The following IL6 variants were observed in gnomAD, a reference collection of about 807,000 sequenced individuals.
IL6 encodes interleukin-6.
In IL6, 5 loss-of-function variants were observed where a neutral mutation model predicts 18.0. That is an observed-to-expected ratio of 0.28 (90% CI 0.15 to 0.58). IL6 has a LOEUF of 0.58. Among genes scored for constraint, IL6 ranks in the 20% least tolerant of loss-of-function variants. The pLI is 0.90. For synonymous variants in IL6, 97 were observed against 95.1 expected, an observed-to-expected ratio of 1.02 and a Z score of -0.12; for missense variants, 266 against 251.0, an observed-to-expected ratio of 1.06 and a Z score of -0.40.
chr7:22,727,208 C>T lies in IL6; in HGVS notation c.-55C>T. 2 of 1,605,920 alleles carry T rather than the reference C, an allele frequency of 1.2e-6. No individual in the cohort carries two copies. The highest frequency in any genetic ancestry group is 1.7e-6 in the Non-Finnish European group (2 of 1,174,426). ...GGAGATGTCTGAGGCTCATTCTGCC[C>T]TCGAGCCCACCGGGAACGAAAGAGA... On this transcript the variant is annotated 5_prime_UTR_variant, in exon 1 of 5. Transcript: ENST00000258743.
chr7:22,729,232 G>C (rs893494546), intron 3 of IL6, among the ~76,000 whole-genome samples: 1 of 152,126 alleles, frequency 6.6e-6, no homozygotes, highest in Non-Finnish European at 1.5e-5. Context: ...ATTAACAAGG[G>C]CAAGAGTGCA....
intron 4 of IL6, chr7:22,729,867 A>G (rs915013138): frequency 2.3e-5 from 34 of 1,465,020 alleles, no homozygotes; most frequent in Non-Finnish European, 1.5e-5. Flanking sequence ...GACATCAATA[A>G]CTGTATTTTA....
intron 3 of IL6, 106 bp downstream of exon 3, chr7:22,728,912 T>TA (rs1784068788): frequency 1.4e-6 from 1 of 696,740 alleles, no homozygotes; most frequent in African/African-American, 1.8e-5. Flanking sequence ...AAAAAGTGGG[T>TA]AAATGTAAAG....
Position 22,731,485 on chromosome 7 carries a change from A to C in IL6, c.551A>C (p.Gln184Pro). Reference protein sequence around the residue: ...SLLTKLQAQNQWLQDMTTHLI... With the variant: ...SLLTKLQAQNPWLQDMTTHLI... ...CTGACGAAGCTGCAGGCACAGAACC[A>C]GTGGCTGCAGGACATGACAACTCAT... is the stretch of plus-strand genomic sequence containing the variant. The change falls in exon 5 of 5, where the codon CAG becomes CCG. Residue 184 changes from glutamine (Q) to proline (P), a missense_variant. Transcript: ENST00000258743. 6.2e-7 allele frequency: 1 copy of C among 1,609,062 alleles called. No homozygotes were observed. Among genetic ancestry groups the C allele is most frequent in the Non-Finnish European group, 8.5e-7 (1 of 1,176,230 alleles).
At chr7:22,728,891 C>A in intron 3 of IL6, 85 bp downstream of exon 3, 1 of 756,604 alleles carries the variant, frequency 1.3e-6, no homozygotes, top group Admixed American at 2.0e-5. Context: ...CATATAGATC[C>A]AGGCAGCAAC....
At position 22,727,544 on chromosome 7, in the gene IL6, C is replaced by A; in HGVS notation, c.120C>A (p.Ala40=). The part of the protein sequence containing the change: ...VPPGEDSKDV[A]APHRQPLTSS... ...CAGGAGAAGATTCCAAAGATGTAGC[C>A]GCCCCACACAGACAGCCACTCACCT... is the stretch of plus-strand genomic sequence containing the variant. The change falls in exon 2 of 5, where the codon GCC becomes GCA. Residue 40 remains alanine (A), a synonymous_variant. Transcript: ENST00000258743. 1 of 1,612,040 alleles carries A rather than the reference C, an allele frequency of 6.2e-7. No individual in the cohort carries two copies. Among genetic ancestry groups the A allele is most frequent in the Non-Finnish European group, 8.5e-7 (1 of 1,179,210 alleles).
chr7:22,730,145 G>A (rs112538818), intron 4 of IL6: 1 of 985,316 alleles, frequency 1.0e-6, no homozygotes, highest in Non-Finnish European at 1.2e-6. Flanking sequence ...GGTGGAAAGA[G>A]GTACCAAAGG....
intron 3 of IL6, 81 bp downstream of exon 3, chr7:22,728,887 G>T: frequency 6.4e-6 from 5 of 777,010 alleles, no homozygotes; most frequent in Non-Finnish European, 1.1e-5. Context: ...TATACATATA[G>T]ATCCAGGCAG....
In IL6 at chr7:22,731,620, G is replaced by A. The variant is rs41477054; in HGVS notation, c.*47G>A. On this transcript the variant is annotated 3_prime_UTR_variant, in exon 5 of 5. Coordinates refer to ENST00000258743, the MANE Select transcript of IL6 (RefSeq NM_000600.5). ...TTGTTAATGGGCATTCCTTCTTCTG[G>A]TCAGAAACCTGTCCACTGGGCACAG... 1 of 1,463,942 alleles carries A rather than the reference G, an allele frequency of 6.8e-7. No individual in the cohort carries two copies. The highest frequency in any genetic ancestry group is 2.4e-5 in the East Asian group (1 of 41,696). The allele number at this position is 1,463,942 out of a possible 1,614,324, so 90.7% of individuals were successfully genotyped here. A position where few individuals can be genotyped will look rare whatever the true frequency, so the allele number is the denominator to read the frequency against.
Position 22,727,752 on chromosome 7 carries a change from G to A in IL6, c.210+118G>A. 3 of 1,152,564 alleles carry A rather than the reference G, an allele frequency of 2.6e-6. 1 individual carries two copies. The highest frequency in any genetic ancestry group is 3.3e-5 in the South Asian group (2 of 61,270). 71.4% of individuals were successfully genotyped at this position (1,152,564 alleles called of 1,614,324 possible). A position where few individuals can be genotyped will look rare whatever the true frequency, so the allele number is the denominator to read the frequency against. On this transcript the variant is annotated intron_variant, in intron 2 of 4. Coordinates refer to ENST00000258743, the MANE Select transcript of IL6 (RefSeq NM_000600.5). ...CTTTGCTGGGTTCTAGAGCACTGTA[G>A]ATTTGAGGCCAACGGGGCCGACTAG...
At chr7:22,728,628 A>T in intron 2 of IL6, 65 bp from the exon 3 acceptor site, 1 of 880,436 alleles carries the variant, frequency 1.1e-6, no homozygotes, top group Non-Finnish European at 1.9e-6. Context: ...AACAATGAAA[A>T]GGCCCTCTAG....
rs979948546 is a variant in IL6 at position 22,731,686 on chromosome 7, T to C, written c.*113T>C. On this transcript the variant is annotated 3_prime_UTR_variant, in exon 5 of 5. Coordinates refer to ENST00000258743, the MANE Select transcript of IL6 (RefSeq NM_000600.5). ...CTATGGAGAACTAAAAGTATGAGCG[T>C]TAGGACACTATTTTAATTATTTTTA... 5.7e-6 allele frequency: 3 copies of C among 527,814 alleles called. No individual in the cohort carries two copies. Among genetic ancestry groups the C allele is most frequent in the Non-Finnish European group, 8.9e-6 (3 of 336,694 alleles). The allele number at this position is 527,814 out of a possible 1,614,324, so 32.7% of individuals were successfully genotyped here.
intron 4 of IL6, chr7:22,730,108 G>A (rs1480661988): frequency 1.0e-6 from 1 of 985,270 alleles, no homozygotes; most frequent in Non-Finnish European, 1.2e-6. Context: ...CAGAGAGTTA[G>A]TTCAGAGAAA....
At chr7:22,729,179 C>T (rs780098707) in intron 3 of IL6, among the ~76,000 whole-genome samples, 1 of 152,118 alleles carries the variant, frequency 6.6e-6, no homozygotes, top group East Asian at 1.9e-4. Context: ...AGATAACCTG[C>T]ACTGTCTTCT....
Position 22,731,471 on chromosome 7 carries a change from G to T in IL6, c.537G>T (p.Leu179=). ...PTTNASLLTK[L]QAQNQWLQDM... Reference sequence around the variant, plus strand: ...CAAATGCCAGCCTGCTGACGAAGCTGCAGGCACAGAACCAGTGGCTGCAGG... The same window carrying T: ...CAAATGCCAGCCTGCTGACGAAGCTTCAGGCACAGAACCAGTGGCTGCAGG... Residue 179 remains leucine, a synonymous_variant, in exon 5 of 5, where the codon CTG becomes CTT. Coordinates refer to ENST00000258743, the MANE Select transcript of IL6 (RefSeq NM_000600.5). 6.2e-7 allele frequency: 1 copy of T among 1,608,110 alleles called. No individual in the cohort carries two copies. Among genetic ancestry groups the T allele is most frequent in the Non-Finnish European group, 8.5e-7 (1 of 1,175,620 alleles).
At chr7:22,727,699 T>C in intron 2 of IL6, 65 bp downstream of exon 2, 1 of 1,505,200 alleles carries the variant, frequency 6.6e-7, no homozygotes, top group Non-Finnish European at 8.9e-7. Flanking sequence ...CCCCTGCGTG[T>C]GGCCGGGGGC....
At chr7:22,730,137 T>C (rs887626728) in intron 4 of IL6, 2 of 985,138 alleles carry the variant, frequency 2.0e-6, no homozygotes, top group African/African-American at 1.7e-5. Context: ...GACTCAAGGG[T>C]GGAAAGAGGT....
In IL6 at chr7:22,729,504, TTCC is replaced by T; in HGVS notation, c.325-7_325-5del. ...GCGATAACCAATTTTCCCACCATCTTTCCTCTTAGGAGACTTGCCTGGTGAAAA... is the reference window on the plus strand; with the variant it reads ...GCGATAACCAATTTTCCCACCATCTTTCTTAGGAGACTTGCCTGGTGAAAA... On this transcript the variant is annotated splice_polypyrimidine_tract_variant and splice_region_variant and intron_variant, in intron 3 of 4. Coordinates refer to ENST00000258743, the MANE Select transcript of IL6 (RefSeq NM_000600.5). The T allele has an allele frequency of 6.2e-7, 1 of 1,607,480 alleles. No homozygotes were observed. The highest frequency in any genetic ancestry group is 8.5e-7 in the Non-Finnish European group (1 of 1,175,178).
rs1410565792 is a variant in IL6, at chr7:22,727,244, C to G, written c.-19C>G. The G allele has an allele frequency of 6.2e-7, 1 of 1,613,410 alleles. No homozygotes were observed. The highest frequency in any genetic ancestry group is 8.5e-7 in the Non-Finnish European group (1 of 1,179,954). On this transcript the variant is annotated 5_prime_UTR_variant, in exon 1 of 5. Transcript: ENST00000258743. ...CGGGAACGAAAGAGAAGCTCTATCT[C>G]CCCTCCAGGAGCCCAGCTATGAACT...
Sources: gnomAD v4.1 joint callset for allele counts (sites outside exome capture counted in the v4.1 genomes callset) on GRCh38, gnomAD v4.1.1 for gene constraint, MANE v1.5 for transcripts, NCBI Gene and HGNC (gene_info 2026-07-23, HGNC 2026-07-21) for gene names.